The following SPAG16 variants were observed in gnomAD, a reference collection of about 807,000 sequenced individuals.
The protein encoded by SPAG16 is sperm associated antigen 16, also known as sperm-associated antigen 16 protein.
Under a neutral mutation model 80.4 loss-of-function variants are expected in SPAG16, and 86 were observed. The observed-to-expected ratio is 1.07, with a 90% CI of 0.90 to 1.28. SPAG16 has a LOEUF of 1.28. Among genes scored for constraint, SPAG16 ranks in the 50% most tolerant of loss-of-function variants. The pLI is 0.00. For missense variants in SPAG16, 870 were observed against 765.3 expected (o/e 1.14, Z -1.61); for synonymous variants, 294 against 265.9 (o/e 1.11, Z -1.03).
intron 5 of SPAG16, among the ~76,000 whole-genome samples, chr2:213,318,433 A>C (rs1183477487): frequency 6.6e-6 from 1 of 151,970 alleles, no homozygotes; most frequent in Non-Finnish European, 1.5e-5. Flanking sequence ...TCTCACTTAT[A>C]AGTAGGAGCT....
intron 4 of SPAG16, among the ~76,000 whole-genome samples, chr2:213,312,675 A>G (rs951695235): frequency 2.6e-5 from 4 of 151,872 alleles, no homozygotes; most frequent in African/African-American, 9.6e-5. Context: ...GGCAATGAAA[A>G]TGCCATCAAA....
At chr2:214,374,333 A>G (rs191369129) in intron 15 of SPAG16, among the ~76,000 whole-genome samples, 20 of 152,338 alleles carry the variant, frequency 1.3e-4, no homozygotes, top group Admixed American at 1.2e-3. Flanking sequence ...TCCAAAATCT[A>G]TTTGCCAGAG....
chr2:214,251,450 TTAA>T (rs1448896096), intron 15 of SPAG16, among the ~76,000 whole-genome samples: 1 of 152,126 alleles, frequency 6.6e-6, no homozygotes, highest in Non-Finnish European at 1.5e-5. Context: ...TTTAATAACC[TTAA>T]TAACTGAGTA....
rs2062695340 is a variant in SPAG16, at chr2:213,643,397, TATATATATATATA to T, written c.1070+153308_1070+153320del. Among the ~76,000 whole-genome samples the T allele has an allele frequency of 2.4e-4, 20 of 82,158 alleles. 1 individual carries two copies. The highest frequency in any genetic ancestry group is 0.012 in the Middle Eastern group (2 of 170). The allele number at this position is 82,158 out of a possible 152,430, so 53.9% of individuals were successfully genotyped here. A position where few individuals can be genotyped will look rare whatever the true frequency, so the allele number is the denominator to read the frequency against. ...ATATATATATATATATATATATATA[TATATATATATATA>T]TTTTATCTCTTGCTGCTGTTATGAT... On this transcript the variant is annotated intron_variant, in intron 10 of 15. Coordinates refer to ENST00000331683, the MANE Select transcript of SPAG16 (RefSeq NM_024532.5).
chr2:213,494,451 T>A (rs1452735189), intron 10 of SPAG16, among the ~76,000 whole-genome samples: 1 of 152,172 alleles, frequency 6.6e-6, no homozygotes, highest in African/African-American at 2.4e-5. Flanking sequence ...AGGAGTCATT[T>A]TAATTCCTCA....
At chr2:214,399,655 G>C (rs550311766) in intron 15 of SPAG16, among the ~76,000 whole-genome samples, 1 of 152,092 alleles carries the variant, frequency 6.6e-6, no homozygotes, top group East Asian at 1.9e-4. Flanking sequence ...GCAATACTAA[G>C]GGTGGTTTTA....
intron 11 of SPAG16, among the ~76,000 whole-genome samples, chr2:213,900,496 T>C (rs1230935789): frequency 6.6e-6 from 1 of 152,140 alleles, no homozygotes; most frequent in Non-Finnish European, 1.5e-5. Flanking sequence ...AAACCGGGTC[T>C]TCATCATGCC....
intron 10 of SPAG16, among the ~76,000 whole-genome samples, chr2:213,825,955 T>G (rs2125705529): frequency 6.6e-6 from 1 of 151,910 alleles, no homozygotes; most frequent in South Asian, 2.1e-4. Context: ...TCTGTTCAGG[T>G]TTTGGATTTC....
intron 9 of SPAG16, among the ~76,000 whole-genome samples, chr2:213,419,335 T>C (rs1413298484): frequency 1.3e-5 from 2 of 152,216 alleles, no homozygotes; most frequent in South Asian, 4.1e-4. Context: ...TTTTAATTTT[T>C]CTTTACATTA....
At chr2:214,394,463 T>C (rs1422785821) in intron 15 of SPAG16, among the ~76,000 whole-genome samples, 1 of 152,196 alleles carries the variant, frequency 6.6e-6, no homozygotes, top group Non-Finnish European at 1.5e-5. Flanking sequence ...AAAATACATT[T>C]TAAAGCACCT....
chr2:213,302,760 G>A (rs1197563403), intron 3 of SPAG16, among the ~76,000 whole-genome samples: 3 of 151,976 alleles, frequency 2.0e-5, no homozygotes, highest in Non-Finnish European at 2.9e-5. Flanking sequence ...TAAGGTGGTC[G>A]TATTTCTTTT....
chr2:214,267,053 C>T (rs759744833), intron 15 of SPAG16, among the ~76,000 whole-genome samples: 35 of 151,362 alleles, frequency 2.3e-4, no homozygotes, highest in Non-Finnish European at 3.8e-4. Context: ...ATCAAAATTC[C>T]AATGTCATTC....
chr2:213,499,230 T>C (rs1478187517), intron 10 of SPAG16, among the ~76,000 whole-genome samples: 1 of 152,166 alleles, frequency 6.6e-6, no homozygotes, highest in Non-Finnish European at 1.5e-5. Flanking sequence ...TTGCAAATAT[T>C]CAAGCAACCT....
intron 10 of SPAG16, among the ~76,000 whole-genome samples, chr2:213,732,919 T>C (rs1182870807): frequency 6.6e-6 from 1 of 152,224 alleles, no homozygotes; most frequent in Non-Finnish European, 1.5e-5. Context: ...GGTTGAATAG[T>C]ATTTCTGCCC....
intron 15 of SPAG16, among the ~76,000 whole-genome samples, chr2:214,278,556 C>G (rs928075941): frequency 2.0e-5 from 3 of 152,134 alleles, no homozygotes; most frequent in African/African-American, 7.2e-5. Flanking sequence ...TGGGACTGAT[C>G]TAGTCCTTCT....
rs186367414 is a variant in SPAG16, at chr2:213,889,490, A to G, written c.1214+26862A>G. 4.3e-3 allele frequency among the ~76,000 whole-genome samples: 645 copies of G among 151,590 alleles called. 4 individuals carry two copies. Among genetic ancestry groups the G allele is most frequent in the Non-Finnish European group, 6.1e-3 (414 of 67,800 alleles). On this transcript the variant is annotated intron_variant, in intron 11 of 15. Coordinates refer to ENST00000331683, the MANE Select transcript of SPAG16 (RefSeq NM_024532.5). The stretch of plus-strand genomic sequence containing the variant: ...GGTAGGGGAAATAGTAATGCTGACA[A>G]CAAAGTTTTCTCACTAAATATATCT...
At chr2:213,727,601 G>A (rs1174386467) in intron 10 of SPAG16, among the ~76,000 whole-genome samples, 2 of 152,170 alleles carry the variant, frequency 1.3e-5, no homozygotes, top group African/African-American at 2.4e-5. Flanking sequence ...TAGCAATTGC[G>A]TTAGTGTGAC....
intron 15 of SPAG16, among the ~76,000 whole-genome samples, chr2:214,287,297 CTGTTA>C (rs1482974052): frequency 2.0e-5 from 3 of 152,074 alleles, no homozygotes; most frequent in Admixed American, 1.3e-4. Context: ...TTTATCTTTT[CTGTTA>C]TAAGAACTTA....
intron 11 of SPAG16, among the ~76,000 whole-genome samples, chr2:213,928,247 G>C (rs1474771540): frequency 1.4e-5 from 2 of 142,894 alleles, no homozygotes; most frequent in African/African-American, 4.9e-5. Context: ...ACCATGCCTG[G>C]CTAATTTTTT....
Sources: allele counts gnomAD v4.1 joint callset (sites outside exome capture counted in the v4.1 genomes callset), GRCh38; gene constraint gnomAD v4.1.1; transcripts MANE v1.5; gene names NCBI Gene and HGNC (gene_info 2026-07-23, HGNC 2026-07-21).